Variants in RAC1 observed in about 807,000 individuals in gnomAD.
RAC1 encodes Rac family small GTPase 1, also known as ras-related C3 botulinum toxin substrate 1.
RAC1 carries 2 observed loss-of-function variants against 25.2 expected under a neutral mutation model. The observed-to-expected ratio is 0.08, with a 90% CI of 0.03 to 0.25. RAC1 has a LOEUF of 0.25. Among genes scored for constraint, RAC1 ranks in the 10% least tolerant of loss-of-function variants. The pLI, the probability that RAC1 is intolerant of heterozygous loss-of-function variation, is 1.00. For missense variants in RAC1, 50 were observed against 235.7 expected, an observed-to-expected ratio of 0.21 and a Z score of 5.16; for synonymous variants, 88 against 94.0, an observed-to-expected ratio of 0.94 and a Z score of 0.37.
intron 1 of RAC1, among the ~76,000 whole-genome samples, chr7:6,380,378 A>ATGTGTG (rs3838699): frequency 6.6e-6 from 1 of 151,240 alleles, no homozygotes; most frequent in East Asian, 1.9e-4. Context: ...ATTATACATA[A>ATGTGTG]TGTGTGTGTG....
At chr7:6,377,094 T>G (rs921846902) in intron 1 of RAC1, among the ~76,000 whole-genome samples, 2 of 152,104 alleles carry the variant, frequency 1.3e-5, no homozygotes, top group Non-Finnish European at 2.9e-5. Flanking sequence ...AGGTGCCCCT[T>G]GCTGAATGCT....
intron 3 of RAC1, among the ~76,000 whole-genome samples, chr7:6,395,016 G>A (rs780813273): frequency 1.3e-5 from 2 of 152,128 alleles, no homozygotes; most frequent in Non-Finnish European, 2.9e-5. Context: ...CACCACACCT[G>A]ACTAATTTTT....
At chr7:6,401,233 G>C (rs1456111199) in intron 4 of RAC1, among the ~76,000 whole-genome samples, 1 of 152,210 alleles carries the variant, frequency 6.6e-6, no homozygotes, top group African/African-American at 2.4e-5. Flanking sequence ...TGGGATTTCA[G>C]GTGTGAGCCA....
At chr7:6,392,915 A>C (rs1783128642) in intron 3 of RAC1, among the ~76,000 whole-genome samples, 1 of 152,174 alleles carries the variant, frequency 6.6e-6, no homozygotes. Flanking sequence ...CGTGTCACGC[A>C]CGCATAACAG....
intron 1 of RAC1, among the ~76,000 whole-genome samples, chr7:6,381,784 C>G (rs1187732813): frequency 2.0e-5 from 3 of 152,106 alleles, no homozygotes; most frequent in African/African-American, 7.2e-5. Flanking sequence ...TTATTTAGCA[C>G]TGCACTACTC....
chr7:6,402,247 C>A, intron 5 of RAC1, 69 bp from the exon 6 acceptor site: 1 of 1,531,214 alleles, frequency 6.5e-7, no homozygotes, highest in South Asian at 1.3e-5. Flanking sequence ...GGAGCTGCCT[C>A]CCGCTGGTGG....
At chr7:6,398,622 G>T (rs757221521) in intron 3 of RAC1, 1 of 1,572,342 alleles carries the variant, frequency 6.4e-7, no homozygotes, top group Non-Finnish European at 8.7e-7. Context: ...GTTGTCCTCA[G>T]TCTGTACTAA....
intron 2 of RAC1, among the ~76,000 whole-genome samples, chr7:6,390,754 G>A (rs1405397266): frequency 1.3e-5 from 2 of 151,740 alleles, no homozygotes; most frequent in Non-Finnish European, 2.9e-5. Context: ...AATTCATTTA[G>A]GACTTATTTT....
chr7:6,374,881 G>A (rs1344441398), intron 1 of RAC1, 111 bp downstream of exon 1: 8 of 888,002 alleles, frequency 9.0e-6, no homozygotes, highest in Non-Finnish European at 9.6e-6. Context: ...TCGCGTAGGC[G>A]GTGGGCCTGG....
At chr7:6,388,414 C>CAGCTCACT (rs1284240393) in intron 2 of RAC1, among the ~76,000 whole-genome samples, 1 of 143,372 alleles carries the variant, frequency 7.0e-6, no homozygotes, top group African/African-American at 2.6e-5. Flanking sequence ...GATGCGATCT[C>CAGCTCACT]AGCTCACTGC....
intron 1 of RAC1, among the ~76,000 whole-genome samples, chr7:6,381,227 C>T (rs1468560828): frequency 1.3e-5 from 2 of 152,082 alleles, no homozygotes; most frequent in East Asian, 3.8e-4. Context: ...TTTTTGAACT[C>T]TTGTGTGTTC....
intron 1 of RAC1, among the ~76,000 whole-genome samples, chr7:6,382,194 T>C (rs180987461): frequency 1.7e-4 from 26 of 152,222 alleles, no homozygotes; most frequent in African/African-American, 6.3e-4. Flanking sequence ...GCAGTTTCGC[T>C]GTGTTGGTCA....
chr7:6,394,776 G>T lies in RAC1; in HGVS notation c.225+2735G>T, dbSNP rs938767784. Among the ~76,000 whole-genome samples the T allele has an allele frequency of 7.2e-5, 11 of 152,084 alleles. 1 individual carries two copies. The highest frequency in any genetic ancestry group is 3.9e-4 in the Admixed American group (6 of 15,262). On this transcript the variant is annotated intron_variant, in intron 3 of 5. Coordinates refer to ENST00000348035, the MANE Select transcript of RAC1 (RefSeq NM_006908.5). Reference sequence around the variant, plus strand: ...GCTCACTGCAACCTCCGCTTCCCAGGTTCAAGTGACTTTCCCGCCCTAGTC... The same window carrying T: ...GCTCACTGCAACCTCCGCTTCCCAGTTTCAAGTGACTTTCCCGCCCTAGTC...
chr7:6,386,310 T>C (rs1782921342), intron 1 of RAC1, among the ~76,000 whole-genome samples: 1 of 152,146 alleles, frequency 6.6e-6, no homozygotes. Context: ...GCTGAATCAA[T>C]GTGATGGCAG....
intron 3 of RAC1, among the ~76,000 whole-genome samples, chr7:6,395,940 T>C (rs994424103): frequency 1.3e-5 from 2 of 152,198 alleles, no homozygotes; most frequent in African/African-American, 2.4e-5. Flanking sequence ...CCTGTCTTAC[T>C]CCATGGAAAG....
At chr7:6,401,603 C>T (rs959030314) in intron 4 of RAC1, 5 of 274,372 alleles carry the variant, frequency 1.8e-5, no homozygotes, top group African/African-American at 6.6e-5. Context: ...TCCCTTCCCC[C>T]CTTCCCCTGC....
At chr7:6,387,428 A>C (rs1477960784) in intron 2 of RAC1, 145 bp downstream of exon 2, 1 of 629,140 alleles carries the variant, frequency 1.6e-6, no homozygotes, top group Admixed American at 3.7e-5. Flanking sequence ...CCTAATTATA[A>C]GGTATATTAG....
At chr7:6,402,116 G>C (rs1321989801) in intron 5 of RAC1, 89 bp downstream of exon 5, 10 of 1,491,676 alleles carry the variant, frequency 6.7e-6, no homozygotes, top group South Asian at 2.5e-5. Context: ...GAGGGTGTGT[G>C]TCTCCCACTC....
At chr7:6,400,083 T>G (rs770420393) in intron 3 of RAC1, 43 bp from the exon 4 acceptor site, 1 of 1,540,014 alleles carries the variant, frequency 6.5e-7, no homozygotes, top group African/African-American at 1.4e-5. Flanking sequence ...TGCTTCATTC[T>G]AAGGTTGTTG....
Sources: allele counts gnomAD v4.1 joint callset (sites outside exome capture counted in the v4.1 genomes callset), GRCh38; gene constraint gnomAD v4.1.1; transcripts MANE v1.5; gene names NCBI Gene and HGNC (gene_info 2026-07-23, HGNC 2026-07-21).